ANKH: variants seen among roughly 807,000 people sequenced by gnomAD.
ANKH encodes mineralization regulator ANKH.
Under a neutral mutation model 49.0 loss-of-function variants are expected in ANKH, and 15 were observed. The ratio of observed to expected loss-of-function variants is 0.31; its 90% confidence interval spans 0.20 to 0.47. ANKH has a LOEUF of 0.47. Among genes scored for constraint, ANKH ranks in the 20% least tolerant of loss-of-function variants. The pLI is 1.00. For missense variants in ANKH, 429 were observed against 652.0 expected (o/e 0.66, Z 3.72); for synonymous variants, 273 against 260.0 (o/e 1.05, Z -0.48).
chr5:14,719,881 A>G (rs995888771), intron 8 of ANKH, among the ~76,000 whole-genome samples: 12 of 152,234 alleles, frequency 7.9e-5, no homozygotes, highest in Admixed American at 5.2e-4. Flanking sequence ...TTAAAATCCA[A>G]CAACATAACT....
intron 1 of ANKH, among the ~76,000 whole-genome samples, chr5:14,824,853 C>A (rs749429891): frequency 1.3e-5 from 2 of 152,134 alleles, no homozygotes; most frequent in Non-Finnish European, 2.9e-5. Context: ...AAAAGGTGAG[C>A]AATATCACTT....
intron 8 of ANKH, among the ~76,000 whole-genome samples, chr5:14,735,920 G>A (rs1351535191): frequency 2.0e-5 from 3 of 151,636 alleles, no homozygotes; most frequent in Non-Finnish European, 2.9e-5. Flanking sequence ...AGAAGGTTCC[G>A]GGTTGAATGC....
chr5:14,871,485 C>T lies in ANKH; in HGVS notation c.-38G>A, dbSNP rs1367047082. 1 of 1,558,266 alleles carries T rather than the reference C, an allele frequency of 6.4e-7. No homozygotes were observed. The highest frequency in any genetic ancestry group is 8.8e-7 in the Non-Finnish European group (1 of 1,135,336). The stretch of plus-strand genomic sequence containing the variant: ...GGGCTGACCCCACACACATCTGCTG[C>T]CGCGAGGGGACTCTGCGGGGAGGCG... On this transcript the variant is annotated 5_prime_UTR_variant, in exon 1 of 12. Transcript: ENST00000284268.
At chr5:14,800,599 C>T (rs1458826242) in intron 1 of ANKH, among the ~76,000 whole-genome samples, 1 of 152,194 alleles carries the variant, frequency 6.6e-6, no homozygotes, top group Non-Finnish European at 1.5e-5. Context: ...TCTTTGAAAG[C>T]TCAGATGATC....
chr5:14,813,241 A>T (rs760148545), intron 1 of ANKH, among the ~76,000 whole-genome samples: 3 of 67,762 alleles, frequency 4.4e-5, no homozygotes, highest in East Asian at 8.9e-4. Flanking sequence ...ATGGCTATTT[A>T]AAAAAAAAAA....
chr5:14,756,072 G>T, intron 3 of ANKH, 128 bp from the exon 4 acceptor site: 2 of 801,050 alleles, frequency 2.5e-6, no homozygotes, highest in Non-Finnish European at 4.2e-6. Flanking sequence ...GCCCAGGTCT[G>T]ATAAATCTTT....
At chr5:14,847,214 G>C (rs1741988835) in intron 1 of ANKH, among the ~76,000 whole-genome samples, 1 of 152,058 alleles carries the variant, frequency 6.6e-6, no homozygotes, top group African/African-American at 2.4e-5. Context: ...TTGGGGAAAA[G>C]AAAGAGAGAA....
chr5:14,864,427 T>G (rs1404238715), intron 1 of ANKH, among the ~76,000 whole-genome samples: 1 of 152,136 alleles, frequency 6.6e-6, no homozygotes. Flanking sequence ...AACAACCCGC[T>G]TACCTAAGTC....
At chr5:14,749,020 G>T in intron 6 of ANKH, 152 bp downstream of exon 6, 2 of 1,128,036 alleles carry the variant, frequency 1.8e-6, no homozygotes, top group South Asian at 1.4e-5. Context: ...ATAAGTCACC[G>T]AACGAGATCT....
At chr5:14,824,007 C>T (rs74417301) in intron 1 of ANKH, among the ~76,000 whole-genome samples, 1,688 of 152,184 alleles carry the variant, frequency 0.011, 19 homozygotes, top group Middle Eastern at 0.075. Context: ...AGACAGAAAC[C>T]CACTGTGGTA....
chr5:14,806,851 T>C (rs1740723099), intron 1 of ANKH, among the ~76,000 whole-genome samples: 1 of 152,254 alleles, frequency 6.6e-6, no homozygotes, highest in Non-Finnish European at 1.5e-5. Flanking sequence ...ATGCAGTGTC[T>C]GCCCTGGAGA....
chr5:14,753,934 T>C (rs1402154722), intron 4 of ANKH, among the ~76,000 whole-genome samples: 3 of 152,232 alleles, frequency 2.0e-5, no homozygotes, highest in Admixed American at 6.5e-5. Context: ...CAAAGTACTT[T>C]GCATGGAATC....
rs1737029240 is a variant in ANKH, at chr5:14,708,556, A to G, written c.*2641T>C. On this transcript the variant is annotated 3_prime_UTR_variant, in exon 12 of 12. Coordinates refer to ENST00000284268, the MANE Select transcript of ANKH (RefSeq NM_054027.6). The stretch of plus-strand genomic sequence containing the variant: ...GTCACCCTCCCTGGTTTGATCTCTC[A>G]TGTCTAGCTGGATGATGGGACTCGA... 1 of 152,236 alleles carries G rather than the reference A, an allele frequency of 6.6e-6. No individual in the cohort carries two copies. The highest frequency in any genetic ancestry group is 6.5e-5 in the Admixed American group (1 of 15,288). 9.4% of individuals were successfully genotyped at this position (152,236 alleles called of 1,614,324 possible).
rs902090682 is a variant in ANKH, at chr5:14,770,881, T to C, written c.97-1690A>G. Reference sequence around the variant, plus strand: ...CAACATATTTTTAAGAAAAAAGATATGCTAAAGTCTTGGCCCTGCCATTTG... The same window carrying C: ...CAACATATTTTTAAGAAAAAAGATACGCTAAAGTCTTGGCCCTGCCATTTG... On this transcript the variant is annotated intron_variant, in intron 1 of 11. Coordinates refer to ENST00000284268, the MANE Select transcript of ANKH (RefSeq NM_054027.6). This position sits in a 1 kb window ranked among gnomAD's most constrained non-coding sequence, Gnocchi z 4.1. Among the ~76,000 whole-genome samples the C allele has an allele frequency of 6.6e-6, 1 of 152,230 alleles. No individual in the cohort carries two copies. The highest frequency in any genetic ancestry group is 1.5e-5 in the Non-Finnish European group (1 of 68,040).
intron 1 of ANKH, among the ~76,000 whole-genome samples, chr5:14,836,928 C>T (rs1283204438): frequency 1.3e-5 from 2 of 152,076 alleles, no homozygotes; most frequent in African/African-American, 2.4e-5. Context: ...GAGATATAGA[C>T]CAATGGAACA....
chr5:14,821,168 T>C (rs1213377901), intron 1 of ANKH, among the ~76,000 whole-genome samples: 2 of 152,102 alleles, frequency 1.3e-5, no homozygotes, highest in African/African-American at 2.4e-5. Context: ...CGACATCATA[T>C]AAATGATACA....
chr5:14,793,021 A>AATATATATATATAAATATAT (rs1580072177), intron 1 of ANKH, among the ~76,000 whole-genome samples: 25 of 68,326 alleles, frequency 3.7e-4, no homozygotes, highest in East Asian at 1.1e-3. Context: ...TATATATATA[A>AATATATATATATAAATATAT]ATATATATAT....
chr5:14,773,761 G>A (rs1413144149), intron 1 of ANKH, among the ~76,000 whole-genome samples: 2 of 152,178 alleles, frequency 1.3e-5, no homozygotes, highest in South Asian at 2.1e-4. Context: ...GATTTTTGCC[G>A]CTTTTGTTTA....
At chr5:14,861,115 GCTTA>G (rs1735475583) in intron 1 of ANKH, among the ~76,000 whole-genome samples, 1 of 152,076 alleles carries the variant, frequency 6.6e-6, no homozygotes, top group Non-Finnish European at 1.5e-5. Context: ...GTTCTGAAAA[GCTTA>G]CTAATGTGGA....
Sources: allele counts gnomAD v4.1 joint callset (sites outside exome capture counted in the v4.1 genomes callset), GRCh38; gene constraint gnomAD v4.1.1; non-coding constraint Gnocchi (gnomAD v3.1); transcripts MANE v1.5; gene names NCBI Gene and HGNC (gene_info 2026-07-23, HGNC 2026-07-21).